Variants in ASB15 observed in about 807,000 individuals in gnomAD.
ASB15 encodes ankyrin repeat and SOCS box protein 15.
In ASB15, 54 loss-of-function variants were observed where a neutral mutation model predicts 58.0. The observed-to-expected ratio is 0.93, with a 90% confidence interval of 0.75 to 1.17. The LOEUF (loss-of-function observed/expected upper bound fraction) is 1.17. Among genes scored for constraint, ASB15 ranks in the 50% most tolerant of loss-of-function variants. The pLI is 0.00. For synonymous variants in ASB15, 249 were observed against 262.4 expected, an observed-to-expected ratio of 0.95 and a Z score of 0.50; for missense variants, 680 against 707.4, an observed-to-expected ratio of 0.96 and a Z score of 0.44.
intron 11 of ASB15, among the ~76,000 whole-genome samples, chr7:123,636,484 C>G (rs978893928): frequency 1.4e-4 from 21 of 152,030 alleles, no homozygotes; most frequent in African/African-American, 5.1e-4. Flanking sequence ...ATACTTAGCT[C>G]TAAAAAATAA....
rs1406424309 is a variant in ASB15 at position 123,629,303 on chromosome 7, A to C, written c.1309A>C (p.Asn437His). 6.2e-7 allele frequency: 1 copy of C among 1,614,152 alleles called. No homozygotes were observed. Among genetic ancestry groups the C allele is most frequent in the Non-Finnish European group, 8.5e-7 (1 of 1,179,996 alleles). ...CGAGGTAATGCTGAGGCTATTGCTG[A>C]ATAATGGCTATCAAGTGGAGATGTG... Reference protein sequence around the residue: ...NDEVMLRLLLNNGYQVEMCFD... With the variant: ...NDEVMLRLLLHNGYQVEMCFD... Residue 437 changes from asparagine (N) to histidine (H), a missense_variant, in exon 10 of 12, where the codon AAT becomes CAT. Transcript: ENST00000451215.
intron 7 of ASB15, among the ~76,000 whole-genome samples, chr7:123,624,168 G>A (rs1801610251): frequency 6.6e-6 from 1 of 152,128 alleles, no homozygotes; most frequent in Non-Finnish European, 1.5e-5. Flanking sequence ...CAGTTACTGA[G>A]CTCCTGTTAT....
intron 6 of ASB15, 27 bp downstream of exon 6, chr7:123,616,522 C>A (rs1401328480): frequency 6.3e-7 from 1 of 1,594,946 alleles, no homozygotes; most frequent in South Asian, 1.1e-5. Flanking sequence ...CATGTTTGAC[C>A]AAGCCAGAGC....
intron 11 of ASB15, among the ~76,000 whole-genome samples, chr7:123,635,705 C>T (rs1043108814): frequency 2.1e-5 from 3 of 141,748 alleles, no homozygotes; most frequent in East Asian, 4.3e-4. Flanking sequence ...TTTACTGCAA[C>T]TAGAGTCGAA....
intron 4 of ASB15, chr7:123,615,417 G>A (rs4727973): frequency 0.15 from 22,077 of 152,092 alleles, 1,671 homozygotes; most frequent in South Asian, 0.2. Flanking sequence ...AAAAATAGAC[G>A]TAGTACACTG....
intron 1 of ASB15, among the ~76,000 whole-genome samples, chr7:123,573,479 G>A (rs1057301794): frequency 5.3e-5 from 8 of 151,894 alleles, no homozygotes; most frequent in South Asian, 2.1e-4. Flanking sequence ...AAGATACCAC[G>A]GTTCTAGTCC....
intron 7 of ASB15, among the ~76,000 whole-genome samples, chr7:123,619,119 T>G (rs6956852): frequency 0.83 from 122,671 of 147,252 alleles, 51,015 homozygotes; most frequent in South Asian, 0.9. Flanking sequence ...GGTGGAGGTT[T>G]CAGTGAGCCG....
intron 1 of ASB15, among the ~76,000 whole-genome samples, chr7:123,575,666 T>C (rs1441632125): frequency 6.6e-6 from 1 of 152,070 alleles, no homozygotes; most frequent in African/African-American, 2.4e-5. Flanking sequence ...ACCTTTATCT[T>C]TGAAGGACAG....
Position 123,628,912 on chromosome 7 carries a change from A to G in ASB15, c.918A>G (p.Lys306=), listed in dbSNP as rs546170310. The change falls in exon 10 of 12, where the codon AAA becomes AAG. Residue 306 remains lysine (K), a synonymous_variant. Coordinates refer to ENST00000451215, the MANE Select transcript of ASB15 (RefSeq NM_001290258.2). ...IPVTSKNAIR[K]SGLTPIHSAA... is the part of the protein sequence containing the mutation. ...TAACATCTAAAAATGCAATTCGGAAAAGTGGGCTAACACCAATTCACTCAG... is the reference window on the plus strand; with the variant it reads ...TAACATCTAAAAATGCAATTCGGAAGAGTGGGCTAACACCAATTCACTCAG... 1.1e-5 allele frequency: 17 copies of G among 1,578,822 alleles called. No homozygotes were observed. In the African/African-American group the frequency reaches 1.8e-4, roughly 16 times the overall value.
intron 11 of ASB15, among the ~76,000 whole-genome samples, chr7:123,631,856 A>T (rs1324905848): frequency 6.6e-6 from 1 of 152,144 alleles, no homozygotes; most frequent in Non-Finnish European, 1.5e-5. Flanking sequence ...AGGCGAACGG[A>T]TCACGAGGTC....
At chr7:123,570,038 T>A (rs1269409082) in intron 1 of ASB15, among the ~76,000 whole-genome samples, 1 of 141,016 alleles carries the variant, frequency 7.1e-6, no homozygotes, top group Non-Finnish European at 1.5e-5. Flanking sequence ...GCTTTTTTTT[T>A]TTTTTTTTTT....
chr7:123,615,285 G>A (rs980287917), intron 4 of ASB15: 7 of 152,082 alleles, frequency 4.6e-5, no homozygotes, highest in South Asian at 2.1e-4. Flanking sequence ...CACATTATAC[G>A]TCTGAGAAAT....
chr7:123,579,041 A>G (rs1426733760), intron 1 of ASB15, among the ~76,000 whole-genome samples: 1 of 151,980 alleles, frequency 6.6e-6, no homozygotes, highest in African/African-American at 2.4e-5. Context: ...GTGGTTTTTC[A>G]ACCTTTGCCC....
At chr7:123,568,264 G>A (rs1798811962) in intron 1 of ASB15, among the ~76,000 whole-genome samples, 1 of 152,106 alleles carries the variant, frequency 6.6e-6, no homozygotes, top group African/African-American at 2.4e-5. Flanking sequence ...TGTAATCCCA[G>A]CACTTTGGGA....
Position 123,595,294 on chromosome 7 carries a change from T to C in ASB15, c.-442-8738T>C, listed in dbSNP as rs530235003. Among the ~76,000 whole-genome samples the C allele has an allele frequency of 6.6e-5, 10 of 152,322 alleles. No individual in the cohort carries two copies. In the South Asian group the frequency reaches 1.4e-3, roughly 22 times the overall value. ...TCCCATCCCTACCATCCCTTGATGA[T>C]CTTCACTTTCATTTGTTCTCTGGTT... is the stretch of plus-strand genomic sequence containing the variant. On this transcript the variant is annotated intron_variant, in intron 1 of 13. Coordinates refer to the ASB15 transcript ENST00000451558.
At chr7:123,585,402 T>G (rs1799348734) in intron 1 of ASB15, among the ~76,000 whole-genome samples, 2 of 151,768 alleles carry the variant, frequency 1.3e-5, no homozygotes. Flanking sequence ...AACTGACACA[T>G]TACATGTAGG....
intron 1 of ASB15, among the ~76,000 whole-genome samples, chr7:123,592,004 A>C (rs192438347): frequency 1.6e-4 from 25 of 152,220 alleles, no homozygotes; most frequent in African/African-American, 5.8e-4. Flanking sequence ...TCAGAGATTC[A>C]ACTTTTTCCT....
intron 7 of ASB15, chr7:123,623,297 A>T (rs1264314706): frequency 1.3e-5 from 2 of 152,198 alleles, no homozygotes; most frequent in African/African-American, 4.8e-5. Context: ...ACTCATCCTA[A>T]TCTGTATTTT....
chr7:123,632,077 C>A (rs1476476513), intron 11 of ASB15, among the ~76,000 whole-genome samples: 1 of 151,214 alleles, frequency 6.6e-6, no homozygotes, highest in East Asian at 2.0e-4. Flanking sequence ...GACTCCATCT[C>A]AAAAATAATA....
Sources: gnomAD v4.1 joint callset for allele counts (sites outside exome capture counted in the v4.1 genomes callset) on GRCh38, gnomAD v4.1.1 for gene constraint, MANE v1.5 for transcripts, NCBI Gene and HGNC (gene_info 2026-07-23, HGNC 2026-07-21) for gene names.